FRMD4B: variants seen among roughly 807,000 people sequenced by gnomAD.
FRMD4B encodes the protein FERM domain containing 4B, also known as FERM domain-containing protein 4B.
A neutral mutation model predicts 141.5 loss-of-function variants in FRMD4B; 74 were observed. That is an observed-to-expected ratio of 0.52 (90% CI 0.43 to 0.63). FRMD4B has a LOEUF of 0.63. Ranked by LOEUF, FRMD4B falls within the 30% of genes least tolerant of loss-of-function variation. FRMD4B has a pLI of 0.00. For missense variants in FRMD4B, 1,366 were observed against 1,253.4 expected, an observed-to-expected ratio of 1.09 and a Z score of -1.36; for synonymous variants, 506 against 467.9, an observed-to-expected ratio of 1.08 and a Z score of -1.05.
chr3:69,260,895 T>C (rs944934912), intron 5 of FRMD4B, among the ~76,000 whole-genome samples: 3 of 152,220 alleles, frequency 2.0e-5, no homozygotes, highest in African/African-American at 7.2e-5. Flanking sequence ...AATACACCAA[T>C]CAGCACTCTG....
intron 1 of FRMD4B, among the ~76,000 whole-genome samples, chr3:69,506,138 C>G (rs745402336): frequency 2.0e-5 from 3 of 152,270 alleles, no homozygotes; most frequent in Non-Finnish European, 4.4e-5. Context: ...ATACTCCATT[C>G]TTTGTACAAA....
intron 1 of FRMD4B, among the ~76,000 whole-genome samples, chr3:69,343,588 T>G (rs1015630400): frequency 2.0e-4 from 30 of 149,174 alleles, no homozygotes; most frequent in Middle Eastern, 3.5e-3. Flanking sequence ...TTTTTTTTTT[T>G]TTTTTTTTTT....
intron 7 of FRMD4B, among the ~76,000 whole-genome samples, chr3:69,247,272 C>T (rs75227789): frequency 6.0e-4 from 92 of 152,270 alleles, no homozygotes; most frequent in Admixed American, 1.8e-3. Flanking sequence ...GTGTCAGTCA[C>T]AGCCTTGACT....
At chr3:69,234,421 T>C (rs533460925) in intron 7 of FRMD4B, among the ~76,000 whole-genome samples, 2 of 152,302 alleles carry the variant, frequency 1.3e-5, no homozygotes, top group African/African-American at 4.8e-5. Flanking sequence ...TTTCCTCAAC[T>C]AATCTACTGG....
chr3:69,232,914 G>GTTTTTTT (rs58551547), intron 7 of FRMD4B, among the ~76,000 whole-genome samples: 1 of 128,820 alleles, frequency 7.8e-6, no homozygotes. Flanking sequence ...TTTGTTGTTT[G>GTTTTTTT]TTTTTTTTTT....
At chr3:69,243,173 A>G (rs2093399219) in intron 7 of FRMD4B, among the ~76,000 whole-genome samples, 1 of 152,136 alleles carries the variant, frequency 6.6e-6, no homozygotes, top group Non-Finnish European at 1.5e-5. Context: ...TCAGACTGTC[A>G]TCTATTTAAA....
At chr3:69,212,375 A>G (rs1248162600) in intron 11 of FRMD4B, among the ~76,000 whole-genome samples, 1 of 89,478 alleles carries the variant, frequency 1.1e-5, no homozygotes, top group Non-Finnish European at 2.2e-5. Flanking sequence ...AAAAAAAAAA[A>G]AAAAAGAAAA....
intron 7 of FRMD4B, among the ~76,000 whole-genome samples, chr3:69,233,970 G>A (rs1200964316): frequency 6.6e-6 from 1 of 152,174 alleles, no homozygotes; most frequent in Non-Finnish European, 1.5e-5. Context: ...ATTTAGGCCA[G>A]GCGTAGTAGC....
intron 1 of FRMD4B, among the ~76,000 whole-genome samples, chr3:69,366,306 A>G (rs1703654254): frequency 6.6e-6 from 1 of 152,122 alleles, no homozygotes; most frequent in Non-Finnish European, 1.5e-5. Context: ...ACAACAACTT[A>G]ATGTCCATCA....
chr3:69,370,251 AAG>A (rs1703787587), intron 1 of FRMD4B, among the ~76,000 whole-genome samples: 1 of 152,170 alleles, frequency 6.6e-6, no homozygotes, highest in Admixed American at 6.5e-5. Context: ...TGCCAAAAAA[AAG>A]AGAGCAAACG....
At position 69,267,589 on chromosome 3, in the gene FRMD4B, GTGTGTGTATATATATA is replaced by G. The variant is rs1205322594; in HGVS notation, c.502-17506_502-17491del. Among the ~76,000 whole-genome samples, 66 of 101,326 alleles carry G rather than the reference GTGTGTGTATATATATA, an allele frequency of 6.5e-4. 4 individuals are homozygous for G. Among genetic ancestry groups the G allele is most frequent in the Middle Eastern group, 5.5e-3 (1 of 182 alleles). The allele number at this position is 101,326 out of a possible 152,430, so 66.5% of individuals were successfully genotyped here. ...TACATATATATATATGTGTGTGTGT[GTGTGTGTATATATATA>G]TATATATATATATATATATATATAT... On this transcript the variant is annotated intron_variant, in intron 5 of 22. Coordinates refer to ENST00000398540, the MANE Select transcript of FRMD4B (RefSeq NM_015123.3).
At chr3:69,354,231 A>G (rs1703247468) in intron 1 of FRMD4B, among the ~76,000 whole-genome samples, 1 of 152,200 alleles carries the variant, frequency 6.6e-6, no homozygotes, top group African/African-American at 2.4e-5. Context: ...ATTTGCATTT[A>G]ATGAAATCAT....
At chr3:69,208,523 A>T (rs1362375896) in intron 11 of FRMD4B, among the ~76,000 whole-genome samples, 2 of 152,016 alleles carry the variant, frequency 1.3e-5, no homozygotes, top group Non-Finnish European at 2.9e-5. Context: ...TAACATGCCT[A>T]TCTCCTTCCC....
At chr3:69,412,455 G>A (rs916605953) in intron 2 of FRMD4B, among the ~76,000 whole-genome samples, 3 of 152,096 alleles carry the variant, frequency 2.0e-5, no homozygotes, top group Non-Finnish European at 4.4e-5. Context: ...AGAGCAGAGG[G>A]GACCGAAAGT....
intron 1 of FRMD4B, among the ~76,000 whole-genome samples, chr3:69,332,473 C>T (rs1702401380): frequency 6.6e-6 from 1 of 152,180 alleles, no homozygotes; most frequent in Non-Finnish European, 1.5e-5. Context: ...TGAGGATGGC[C>T]AAGATCAGGT....
intron 18 of FRMD4B, among the ~76,000 whole-genome samples, 178 bp from the exon 19 acceptor site, chr3:69,188,095 C>A (rs1459781328): frequency 6.6e-6 from 1 of 152,076 alleles, no homozygotes; most frequent in East Asian, 1.9e-4. Context: ...ATTTTATACA[C>A]CAGAAAAAAC....
At chr3:69,475,428 T>A (rs1705975565) in intron 1 of FRMD4B, among the ~76,000 whole-genome samples, 1 of 147,658 alleles carries the variant, frequency 6.8e-6, no homozygotes, top group Admixed American at 6.8e-5. Flanking sequence ...CACTGTTCAA[T>A]TCCCACCTAT....
intron 7 of FRMD4B, among the ~76,000 whole-genome samples, chr3:69,233,074 A>T (rs756726068): frequency 3.3e-5 from 5 of 151,924 alleles, no homozygotes; most frequent in Non-Finnish European, 5.9e-5. Flanking sequence ...TTCTTCTCCA[A>T]GCAAAGCGCT....
At chr3:69,432,283 G>A (rs940582030) in intron 2 of FRMD4B, among the ~76,000 whole-genome samples, 3 of 152,170 alleles carry the variant, frequency 2.0e-5, no homozygotes, top group African/African-American at 7.2e-5. Context: ...ATAAATGCGT[G>A]TATAAATATT....
Sources: allele counts gnomAD v4.1 joint callset (sites outside exome capture counted in the v4.1 genomes callset), GRCh38; gene constraint gnomAD v4.1.1; transcripts MANE v1.5; gene names NCBI Gene and HGNC (gene_info 2026-07-23, HGNC 2026-07-21).